GALNT1: variants seen among roughly 807,000 people sequenced by gnomAD.
GALNT1 encodes the protein GalNAc transferase 1.
In GALNT1, 17 loss-of-function variants were observed where a neutral mutation model predicts 65.7. That is an observed-to-expected ratio of 0.26 (90% confidence interval 0.18 to 0.39). The LOEUF is 0.39. Ranked by LOEUF, GALNT1 falls within the 10% of genes least tolerant of loss-of-function variation. The pLI is 1.00. For missense variants in GALNT1, 460 were observed against 672.8 expected, an observed-to-expected ratio of 0.68 and a Z score of 3.50; for synonymous variants, 210 against 219.7, an observed-to-expected ratio of 0.96 and a Z score of 0.39.
At chr18:35,631,179 G>C (rs1015093206) in intron 1 of GALNT1, among the ~76,000 whole-genome samples, 2 of 152,170 alleles carry the variant, frequency 1.3e-5, no homozygotes, top group African/African-American at 4.8e-5. Context: ...TAGAAAAAGA[G>C]GGAATCCTCC....
chr18:35,632,365 G>A (rs1314426290), intron 1 of GALNT1, among the ~76,000 whole-genome samples: 2 of 152,034 alleles, frequency 1.3e-5, no homozygotes, highest in African/African-American at 4.8e-5. Flanking sequence ...TAGACCAATG[G>A]AACAGAACAG....
In GALNT1 at chr18:35,687,262, G is replaced by A. The variant is rs1598806248; in HGVS notation, c.860+76G>A. ...TGGAGCTTTGGGAATCATATCAAAT[G>A]GATAAGTGTATTTTGAGAAACGTGA... On this transcript the variant is annotated intron_variant, in intron 6 of 11. Transcript: ENST00000269195. 3 of 1,395,980 alleles carry A rather than the reference G, an allele frequency of 2.1e-6. No homozygotes were observed. In the East Asian group the frequency reaches 7.0e-5, roughly 33 times the overall value. The allele number at this position is 1,395,980 out of a possible 1,614,324, so 86.5% of individuals were successfully genotyped here.
At chr18:35,693,052 A>C (rs2144671253) in intron 9 of GALNT1, among the ~76,000 whole-genome samples, 1 of 152,362 alleles carries the variant, frequency 6.6e-6, no homozygotes, top group African/African-American at 2.4e-5. Context: ...AGATTATGAA[A>C]GGCACACAAT....
chr18:35,581,779 A>ATC lies in GALNT1; in HGVS notation c.-187_-186insTC, dbSNP rs2046319847. ...GCGCGGCGGACGGCGGCCCGAGAGTAGCGCGCTGGCCGCGGGACCGGCCGC... is the reference window on the plus strand; with the variant it reads ...GCGCGGCGGACGGCGGCCCGAGAGTATCGCGCGCTGGCCGCGGGACCGGCCGC... On this transcript the variant is annotated 5_prime_UTR_variant, in exon 1 of 12. Transcript: ENST00000269195. 3 of 216 alleles carry ATC rather than the reference A, an allele frequency of 0.014. No individual in the cohort carries two copies. Among genetic ancestry groups the ATC allele is most frequent in the South Asian group, 0.094 (3 of 32 alleles). 0.0% of individuals were successfully genotyped at this position (216 alleles called of 1,614,324 possible). A position where few individuals can be genotyped will look rare whatever the true frequency, so the allele number is the denominator to read the frequency against.
At chr18:35,589,434 G>GT (rs1214543142) in intron 1 of GALNT1, among the ~76,000 whole-genome samples, 7 of 152,156 alleles carry the variant, frequency 4.6e-5, no homozygotes, top group Non-Finnish European at 7.4e-5. Flanking sequence ...GAGTAGAGTG[G>GT]TTTTTTTCCT....
At chr18:35,624,986 A>T (rs1387331231) in intron 1 of GALNT1, among the ~76,000 whole-genome samples, 1 of 152,224 alleles carries the variant, frequency 6.6e-6, no homozygotes, top group Non-Finnish European at 1.5e-5. Flanking sequence ...GATAATTAAT[A>T]AATTAATTAA....
chr18:35,589,221 G>T (rs2046414970), intron 1 of GALNT1, among the ~76,000 whole-genome samples: 2 of 152,102 alleles, frequency 1.3e-5, no homozygotes, highest in African/African-American at 4.8e-5. Context: ...GGGGGAGAGG[G>T]TGTATGTGGA....
At chr18:35,681,440 T>A (rs536932731) in intron 4 of GALNT1, among the ~76,000 whole-genome samples, 31 of 152,028 alleles carry the variant, frequency 2.0e-4, no homozygotes, top group African/African-American at 7.2e-4. Flanking sequence ...GCCAAGAAAA[T>A]TTGTGGAAGA....
Position 35,709,924 on chromosome 18 carries a change from C to A in GALNT1, c.*154C>A. ...GCCATTAAAACTTAGACTTCTCTAGCTTTTCACTAGCTGTGAACCAGCCTT... is the reference window on the plus strand; with the variant it reads ...GCCATTAAAACTTAGACTTCTCTAGATTTTCACTAGCTGTGAACCAGCCTT... On this transcript the variant is annotated 3_prime_UTR_variant, in exon 12 of 12. Transcript: ENST00000269195. The A allele has an allele frequency of 2.4e-6, 2 of 824,638 alleles. No individual in the cohort carries two copies. The highest frequency in any genetic ancestry group is 1.8e-6 in the Non-Finnish European group (1 of 542,180). The allele number at this position is 824,638 out of a possible 1,614,324, so 51.1% of individuals were successfully genotyped here.
chr18:35,677,924 A>T (rs1413545081), intron 4 of GALNT1, among the ~76,000 whole-genome samples, 167 bp downstream of exon 4: 2 of 152,234 alleles, frequency 1.3e-5, no homozygotes, highest in African/African-American at 4.8e-5. Context: ...ACCCTTGTGA[A>T]ACTTAAAATA....
chr18:35,707,861 G>A (rs755391659), intron 11 of GALNT1, among the ~76,000 whole-genome samples: 91 of 152,356 alleles, frequency 6.0e-4, no homozygotes, highest in Non-Finnish European at 1.0e-3. Flanking sequence ...GCCACTGGCA[G>A]CAATGTGCAC....
chr18:35,668,964 G>A (rs986370944), intron 3 of GALNT1, among the ~76,000 whole-genome samples: 6 of 152,108 alleles, frequency 3.9e-5, no homozygotes, highest in Non-Finnish European at 5.9e-5. Context: ...ACACACAGCC[G>A]GGCGCACTGA....
At chr18:35,692,104 C>A in intron 8 of GALNT1, 77 bp from the exon 9 acceptor site, 1 of 1,288,640 alleles carries the variant, frequency 7.8e-7, no homozygotes, top group Non-Finnish European at 1.1e-6. Context: ...ATTCATCTGG[C>A]TTATTAGATT....
At chr18:35,679,941 T>C (rs535609991) in intron 4 of GALNT1, among the ~76,000 whole-genome samples, 1 of 152,156 alleles carries the variant, frequency 6.6e-6, no homozygotes, top group East Asian at 1.9e-4. Context: ...CAAACTAATG[T>C]CCCCACATAC....
In GALNT1 at chr18:35,683,432, A is replaced by G. The variant is rs748418527; in HGVS notation, c.523A>G (p.Lys175Glu). 1.1e-5 allele frequency: 18 copies of G among 1,613,596 alleles called. No individual in the cohort carries two copies. In the African/African-American group the frequency reaches 2.3e-4, roughly 20 times the overall value. The change falls in exon 5 of 12, where the codon AAA becomes GAA. Residue 175 changes from lysine to glutamate, a missense_variant. Physicochemically the swap from Lys to Glu is moderately conservative, Grantham distance 56. Coordinates refer to ENST00000269195, the MANE Select transcript of GALNT1 (RefSeq NM_020474.4). ...TTTAGAGAGTTATGTGAAAAAACTAAAAGTACCAGTTCATGTAATTCGAAT... is the reference window on the plus strand; with the variant it reads ...TTTAGAGAGTTATGTGAAAAAACTAGAAGTACCAGTTCATGTAATTCGAAT... ...RPLESYVKKL[K>E]VPVHVIRMEQ...
intron 1 of GALNT1, among the ~76,000 whole-genome samples, chr18:35,617,809 G>C (rs561075099): frequency 4.5e-4 from 69 of 151,982 alleles, no homozygotes; most frequent in Non-Finnish European, 8.5e-4. Flanking sequence ...TTTTTAAGTT[G>C]ATTTGTAGAT....
chr18:35,616,324 T>C (rs905123966), intron 1 of GALNT1, among the ~76,000 whole-genome samples: 6 of 152,124 alleles, frequency 3.9e-5, no homozygotes, highest in African/African-American at 1.2e-4. Context: ...AAAGTGTCAG[T>C]TTTCCTATCT....
intron 3 of GALNT1, among the ~76,000 whole-genome samples, chr18:35,672,960 G>A (rs2047656757): frequency 6.6e-6 from 1 of 152,158 alleles, no homozygotes; most frequent in South Asian, 2.1e-4. Flanking sequence ...CCAAAGTATA[G>A]TTAGTAAGTG....
chr18:35,692,053 C>G (rs1374379565), intron 8 of GALNT1, 128 bp from the exon 9 acceptor site: 4 of 721,820 alleles, frequency 5.5e-6, no homozygotes, highest in African/African-American at 1.8e-5. Flanking sequence ...GGTGTCTCCA[C>G]TTGTATAGTC....
Sources: gnomAD v4.1 joint callset for allele counts (sites outside exome capture counted in the v4.1 genomes callset) on GRCh38, gnomAD v4.1.1 for gene constraint, MANE v1.5 for transcripts, NCBI Gene and HGNC (gene_info 2026-07-23, HGNC 2026-07-21) for gene names.